NCKAP5: variants seen among roughly 807,000 people sequenced by gnomAD.
NCKAP5 encodes the protein NCK associated protein 5, also known as nck-associated protein 5.
A neutral mutation model predicts 167.0 loss-of-function variants in NCKAP5; 92 were observed. The observed-to-expected ratio is 0.55, with a 90% CI of 0.47 to 0.66. NCKAP5 has a LOEUF of 0.66. Among genes scored for constraint, NCKAP5 ranks in the 30% least tolerant of loss-of-function variants. NCKAP5 has a pLI of 0.00. For synonymous variants in NCKAP5, 891 were observed against 877.4 expected (o/e 1.02, Z -0.27); for missense variants, 2,378 against 2,315.0 (o/e 1.03, Z -0.56).
chr2:133,239,739 A>T (rs1006531619), intron 4 of NCKAP5, among the ~76,000 whole-genome samples: 2 of 152,220 alleles, frequency 1.3e-5, no homozygotes, highest in Non-Finnish European at 2.9e-5. Context: ...AAACTGAAAC[A>T]CTGCTTTGCC....
At chr2:133,260,677 G>A (rs541261877) in intron 4 of NCKAP5, among the ~76,000 whole-genome samples, 3 of 152,230 alleles carry the variant, frequency 2.0e-5, no homozygotes, top group East Asian at 1.9e-4. Flanking sequence ...CCTGTCCCTC[G>A]GACGGAGGTA....
intron 4 of NCKAP5, among the ~76,000 whole-genome samples, chr2:133,251,779 G>C (rs890266168): frequency 1.3e-5 from 2 of 152,280 alleles, no homozygotes; most frequent in Non-Finnish European, 1.5e-5. Context: ...TGAAATCAGT[G>C]TATAGACTGT....
chr2:133,307,993 A>AGGAGGACAAGAGGGAAAGAAAGAG (rs145746107), intron 3 of NCKAP5, among the ~76,000 whole-genome samples: 21,774 of 151,090 alleles, frequency 0.14, 1,631 homozygotes, highest in Non-Finnish European at 0.16. Context: ...GATGGGCAGA[A>AGGAGGACAAGAGGGAAAGAAAGAG]GGAGGACAAG....
At position 132,889,620 on chromosome 2, in the gene NCKAP5, A is replaced by G. The variant is rs559921325; in HGVS notation, c.580-10704T>C. Among the ~76,000 whole-genome samples, 12 of 152,344 alleles carry G rather than the reference A, an allele frequency of 7.9e-5. No individual in the cohort carries two copies. The South Asian group carries it at 2.3e-3, about 29-fold the overall frequency. ...CTTGAATCAGTCTACTCAACAGGCA[A>G]TCAAAACAATGACAAAGGTGCACAT... On this transcript the variant is annotated intron_variant, in intron 8 of 19. Transcript: ENST00000409261.
chr2:132,678,645 A>G (rs1167228545), intron 19 of NCKAP5, among the ~76,000 whole-genome samples: 1 of 152,184 alleles, frequency 6.6e-6, no homozygotes, highest in Non-Finnish European at 1.5e-5. Context: ...TACCTCATTT[A>G]ATCCTGACAG....
At chr2:133,517,765 C>G (rs1199640664) in intron 2 of NCKAP5, among the ~76,000 whole-genome samples, 178 bp from the exon 3 acceptor site, 1 of 152,198 alleles carries the variant, frequency 6.6e-6, no homozygotes, top group Non-Finnish European at 1.5e-5. Context: ...TCAGAGTTGT[C>G]TTTATGGCGG....
the NCKAP5 span, among the ~76,000 whole-genome samples, chr2:133,606,080 T>C: frequency 6.6e-6 from 1 of 152,214 alleles, no homozygotes; most frequent in Non-Finnish European, 1.5e-5. Context: ...GCTGTAGTTC[T>C]CACCTCAGCC....
chr2:132,882,995 C>T (rs994777939), intron 8 of NCKAP5, among the ~76,000 whole-genome samples: 6 of 151,856 alleles, frequency 4.0e-5, no homozygotes, highest in African/African-American at 7.3e-5. Context: ...GAGTTTGAGA[C>T]CGGCCTGGGC....
chr2:133,005,515 T>A (rs529801413), intron 6 of NCKAP5, among the ~76,000 whole-genome samples: 3 of 152,208 alleles, frequency 2.0e-5, no homozygotes, highest in Non-Finnish European at 2.9e-5. Flanking sequence ...AAATGTGTCC[T>A]TAAAAAGGTC....
At chr2:133,246,045 A>T (rs2087972396) in intron 4 of NCKAP5, among the ~76,000 whole-genome samples, 1 of 152,186 alleles carries the variant, frequency 6.6e-6, no homozygotes, top group Non-Finnish European at 1.5e-5. Context: ...TTATCAAGAA[A>T]GGCCTCATGG....
intron 5 of NCKAP5, among the ~76,000 whole-genome samples, chr2:133,185,039 C>A (rs2084886649): frequency 6.6e-6 from 1 of 152,040 alleles, no homozygotes. Flanking sequence ...ATTGCCTAGA[C>A]CACTATCTAC....
At chr2:133,165,410 C>A (rs1206015378) in intron 5 of NCKAP5, among the ~76,000 whole-genome samples, 1 of 152,106 alleles carries the variant, frequency 6.6e-6, no homozygotes, top group Non-Finnish European at 1.5e-5. Context: ...TTTTAAAAGT[C>A]ATATTCAGTA....
chr2:133,358,966 C>T (rs1684918046), intron 3 of NCKAP5, among the ~76,000 whole-genome samples: 1 of 152,120 alleles, frequency 6.6e-6, no homozygotes, highest in Non-Finnish European at 1.5e-5. Context: ...ATTTGGAGTA[C>T]TTCTACTGTT....
chr2:132,845,271 A>G (rs1314672944), intron 11 of NCKAP5, among the ~76,000 whole-genome samples: 1 of 152,152 alleles, frequency 6.6e-6, no homozygotes, highest in African/African-American at 2.4e-5. Flanking sequence ...AGGTATATAG[A>G]ATATTTGATC....
chr2:133,453,700 T>C (rs897858941), intron 3 of NCKAP5, among the ~76,000 whole-genome samples: 4 of 151,988 alleles, frequency 2.6e-5, no homozygotes, highest in East Asian at 3.9e-4. Flanking sequence ...AGGTTATATA[T>C]CCAACGTGCT....
chr2:132,889,845 A>G (rs1421272932), intron 8 of NCKAP5, among the ~76,000 whole-genome samples: 1 of 152,210 alleles, frequency 6.6e-6, no homozygotes, highest in African/African-American at 2.4e-5. Flanking sequence ...CAAAAAAAAT[A>G]AATAAATAAA....
chr2:133,633,230 C>G, the NCKAP5 span, among the ~76,000 whole-genome samples: 2 of 152,188 alleles, frequency 1.3e-5, no homozygotes, highest in African/African-American at 2.4e-5. Flanking sequence ...ATGTATCCAG[C>G]TCATAGCACA....
intron 3 of NCKAP5, among the ~76,000 whole-genome samples, chr2:133,346,698 C>T (rs550311725): frequency 1.1e-4 from 17 of 152,242 alleles, no homozygotes; most frequent in South Asian, 6.2e-4. Flanking sequence ...ATGGCCCTCA[C>T]GAAATACAAG....
chr2:133,186,625 T>C (rs1474690362), intron 5 of NCKAP5, among the ~76,000 whole-genome samples: 1 of 152,064 alleles, frequency 6.6e-6, no homozygotes, highest in African/African-American at 2.4e-5. Context: ...GATTCAATTT[T>C]GGTGCTTGTT....
Sources: allele counts gnomAD v4.1 joint callset (sites outside exome capture counted in the v4.1 genomes callset), GRCh38; gene constraint gnomAD v4.1.1; transcripts MANE v1.5; gene names NCBI Gene and HGNC (gene_info 2026-07-23, HGNC 2026-07-21).